CBFA2T2: variants seen among roughly 807,000 people sequenced by gnomAD.
CBFA2T2 encodes the protein CBFA2/RUNX1 partner transcriptional co-repressor 2.
CBFA2T2 carries 11 observed loss-of-function variants against 62.2 expected under a neutral mutation model. That is an observed-to-expected ratio of 0.18 (90% CI 0.11 to 0.29). The LOEUF (loss-of-function observed/expected upper bound fraction) is 0.29. CBFA2T2 is among the 10% of genes least tolerant of loss of function. The probability of loss-of-function intolerance (pLI) is 1.00; values close to 1 mark genes in which losing one functional copy is unlikely to be tolerated. For synonymous variants in CBFA2T2, 295 were observed against 287.5 expected (o/e 1.03, Z -0.27); for missense variants, 592 against 774.1 (o/e 0.76, Z 2.79).
intron 1 of CBFA2T2, among the ~76,000 whole-genome samples, chr20:33,511,829 G>C (rs2011516852): frequency 6.6e-6 from 1 of 151,942 alleles, no homozygotes; most frequent in Non-Finnish European, 1.5e-5. Flanking sequence ...AGGATGCAGT[G>C]AGCCATGATC....
chr20:33,633,379 AAT>A (rs1479125903), intron 8 of CBFA2T2, among the ~76,000 whole-genome samples: 2,143 of 41,280 alleles, frequency 0.052, 49 homozygotes, highest in African/African-American at 0.27. Context: ...GCAAAAAAAA[AAT>A]AAATAAATAA....
At chr20:33,577,076 A>T (rs2013866328) in intron 1 of CBFA2T2, among the ~76,000 whole-genome samples, 1 of 152,206 alleles carries the variant, frequency 6.6e-6, no homozygotes, top group South Asian at 2.1e-4. Context: ...TTGTTTTTCT[A>T]GCTGATTTTG....
At chr20:33,605,049 A>T (rs1231384916) in intron 1 of CBFA2T2, among the ~76,000 whole-genome samples, 3 of 152,186 alleles carry the variant, frequency 2.0e-5, no homozygotes, top group Admixed American at 6.5e-5. Context: ...AGAACTGCAC[A>T]TTTTTGTCAG....
At chr20:33,637,047 T>G (rs577213930) in intron 9 of CBFA2T2, among the ~76,000 whole-genome samples, 88 of 152,322 alleles carry the variant, frequency 5.8e-4, no homozygotes, top group Non-Finnish European at 1.2e-3. Flanking sequence ...GTGGCTACAG[T>G]ATACTGTGTT....
At chr20:33,587,536 G>A (rs896079492) in intron 1 of CBFA2T2, among the ~76,000 whole-genome samples, 8 of 152,112 alleles carry the variant, frequency 5.3e-5, no homozygotes, top group Non-Finnish European at 1.0e-4. Flanking sequence ...AAAGGGCTGG[G>A]ATTACAGGCG....
At chr20:33,491,222 T>C (rs1388640228) in intron 1 of CBFA2T2, among the ~76,000 whole-genome samples, 1 of 152,218 alleles carries the variant, frequency 6.6e-6, no homozygotes, top group Non-Finnish European at 1.5e-5. Context: ...TTGCATTCTA[T>C]TCACTTAATA....
rs989393032 is a variant in CBFA2T2, at chr20:33,619,692, G to A, written c.510+86G>A. On this transcript the variant is annotated intron_variant, in intron 4 of 10. Transcript: ENST00000342704. Reference sequence around the variant, plus strand: ...CTGTTACGTGATTTAAATCAGAGCCGCTTGCCACGTTTTTAGATCTTTATT... The same window carrying A: ...CTGTTACGTGATTTAAATCAGAGCCACTTGCCACGTTTTTAGATCTTTATT... The A allele has an allele frequency of 3.0e-5, 28 of 932,358 alleles. No homozygotes were observed. In the Admixed American group the frequency reaches 3.2e-4, roughly 11 times the overall value. 57.8% of individuals were successfully genotyped at this position (932,358 alleles called of 1,614,324 possible).
chr20:33,551,984 C>T (rs1034411695), intron 1 of CBFA2T2, among the ~76,000 whole-genome samples: 2 of 151,374 alleles, frequency 1.3e-5, no homozygotes, highest in African/African-American at 4.9e-5. Context: ...TGTAGTCTGA[C>T]TTGTGTCCCA....
intron 1 of CBFA2T2, among the ~76,000 whole-genome samples, chr20:33,542,992 T>G (rs953523700): frequency 6.6e-6 from 1 of 150,404 alleles, no homozygotes; most frequent in Non-Finnish European, 1.5e-5. Flanking sequence ...TAATTTGTAT[T>G]AAGTATTAGT....
Position 33,611,130 on chromosome 20 carries a change from A to G in CBFA2T2, c.215A>G (p.Asn72Ser). 6.2e-7 allele frequency: 1 copy of G among 1,614,152 alleles called. No individual in the cohort carries two copies. The highest frequency in any genetic ancestry group is 8.5e-7 in the Non-Finnish European group (1 of 1,180,010). The change falls in exon 3 of 11, where the codon AAT becomes AGT. Residue 72 changes from asparagine to serine, a missense_variant. This residue lies in a region of CBFA2T2 where 449 missense variants were observed against 551.2 expected (regional missense o/e 0.81). Transcript: ENST00000342704. ...NGINHSPPTL[N>S]GAPSPPQRFS... ...ATCAACCATTCTCCTCCTACCCTGAATGGTGCCCCATCACCGCCACAGAGA... is the reference window on the plus strand; with the variant it reads ...ATCAACCATTCTCCTCCTACCCTGAGTGGTGCCCCATCACCGCCACAGAGA...
chr20:33,511,558 A>G (rs1190000551), intron 1 of CBFA2T2, among the ~76,000 whole-genome samples: 2 of 152,148 alleles, frequency 1.3e-5, no homozygotes, highest in Non-Finnish European at 2.9e-5. Flanking sequence ...GGTTTATGTA[A>G]AGAGAAAAGT....
intron 1 of CBFA2T2, 112 bp from the exon 2 acceptor site, chr20:33,606,844 C>T (rs1841582737): frequency 1.0e-6 from 1 of 962,188 alleles, no homozygotes; most frequent in Non-Finnish European, 1.6e-6. Flanking sequence ...GGTCACTATT[C>T]AGCCTATTAT....
chr20:33,635,748 C>T (rs893105679), intron 8 of CBFA2T2, among the ~76,000 whole-genome samples: 2 of 152,106 alleles, frequency 1.3e-5, no homozygotes, highest in African/African-American at 4.8e-5. Flanking sequence ...CATGGTGGTA[C>T]ATGCCTAAAG....
intron 10 of CBFA2T2, among the ~76,000 whole-genome samples, chr20:33,642,419 T>C (rs1394760760): frequency 6.6e-6 from 1 of 151,970 alleles, no homozygotes; most frequent in Non-Finnish European, 1.5e-5. Flanking sequence ...CTTGGCTAGA[T>C]GGTGAGACCC....
chr20:33,565,837 T>C (rs910391644), intron 1 of CBFA2T2, among the ~76,000 whole-genome samples: 1 of 152,186 alleles, frequency 6.6e-6, no homozygotes, highest in African/African-American at 2.4e-5. Flanking sequence ...CATAATGCAA[T>C]AATGCCAATA....
intron 1 of CBFA2T2, among the ~76,000 whole-genome samples, chr20:33,508,788 C>T (rs974873475): frequency 1.3e-5 from 2 of 152,112 alleles, no homozygotes; most frequent in African/African-American, 4.8e-5. Flanking sequence ...ATTTATAAGA[C>T]AAGAGGGGTT....
At chr20:33,598,058 G>A (rs995288464) in intron 1 of CBFA2T2, among the ~76,000 whole-genome samples, 16 of 152,116 alleles carry the variant, frequency 1.1e-4, no homozygotes, top group Non-Finnish European at 1.8e-4. Context: ...GTGCGAATAC[G>A]TGTGGGTCAC....
At chr20:33,505,096 T>G (rs13037830) in intron 1 of CBFA2T2, among the ~76,000 whole-genome samples, 1 of 152,208 alleles carries the variant, frequency 6.6e-6, no homozygotes, top group Non-Finnish European at 1.5e-5. Context: ...TTAACTTGTA[T>G]AAGGAGATTG....
intron 2 of CBFA2T2, among the ~76,000 whole-genome samples, chr20:33,610,682 T>A (rs2015489685): frequency 6.6e-6 from 1 of 152,172 alleles, no homozygotes; most frequent in Non-Finnish European, 1.5e-5. Context: ...ACCTTCTGAT[T>A]GACTGCCTAG....
Sources: gnomAD v4.1 joint callset for allele counts (sites outside exome capture counted in the v4.1 genomes callset) on GRCh38, gnomAD v4.1.1 for gene constraint, gnomAD v4.1.1 regional missense constraint, MANE v1.5 for transcripts, NCBI Gene and HGNC (gene_info 2026-07-23, HGNC 2026-07-21) for gene names.